The following MRAS variants were observed in gnomAD, a reference collection of about 807,000 sequenced individuals.
The protein encoded by MRAS is ras-related protein M-Ras.
Under a neutral mutation model 20.9 loss-of-function variants are expected in MRAS, and 4 were observed. The observed-to-expected ratio is 0.19, with a 90% confidence interval of 0.09 to 0.44. The LOEUF (loss-of-function observed/expected upper bound fraction) is 0.44. MRAS is among the 20% of genes least tolerant of loss of function. The pLI, the probability that MRAS is intolerant of heterozygous loss-of-function variation, is 0.99. For missense variants in MRAS, 154 were observed against 277.5 expected, an observed-to-expected ratio of 0.56 and a Z score of 3.16; for synonymous variants, 98 against 102.9, an observed-to-expected ratio of 0.95 and a Z score of 0.29.
intron 2 of MRAS, among the ~76,000 whole-genome samples, chr3:138,381,732 TCTC>T (rs2054909364): frequency 6.6e-6 from 1 of 152,176 alleles, no homozygotes; most frequent in Non-Finnish European, 1.5e-5. Flanking sequence ...GCCTGGCTCT[TCTC>T]CTGCACCATC....
chr3:138,374,036 G>A (rs536006212), intron 2 of MRAS, among the ~76,000 whole-genome samples: 9 of 152,130 alleles, frequency 5.9e-5, no homozygotes, highest in Admixed American at 2.6e-4. Context: ...TCAGCTCACC[G>A]CAACCTCCGC....
intron 2 of MRAS, among the ~76,000 whole-genome samples, chr3:138,375,758 G>C (rs1444176934): frequency 6.6e-6 from 1 of 152,110 alleles, no homozygotes; most frequent in Non-Finnish European, 1.5e-5. Flanking sequence ...TGGCTTACAA[G>C]GCCTGTAAAT....
chr3:138,379,840 ACT>A (rs150255954), intron 2 of MRAS, among the ~76,000 whole-genome samples: 4,034 of 152,236 alleles, frequency 0.026, 163 homozygotes, highest in African/African-American at 0.089. Context: ...TTGAGTGTAT[ACT>A]CAGCAGTAGG....
chr3:138,359,925 T>C (rs2054410536), intron 1 of MRAS, among the ~76,000 whole-genome samples: 1 of 152,248 alleles, frequency 6.6e-6, no homozygotes, highest in Admixed American at 6.5e-5. Flanking sequence ...GTGGCCAGTA[T>C]TTAAAATAAT....
At chr3:138,394,404 A>C (rs966469783) in intron 2 of MRAS, among the ~76,000 whole-genome samples, 1 of 152,148 alleles carries the variant, frequency 6.6e-6, no homozygotes, top group Non-Finnish European at 1.5e-5. Flanking sequence ...TGAAGTGCCA[A>C]ATGGCTCTGG....
intron 2 of MRAS, among the ~76,000 whole-genome samples, chr3:138,375,099 C>G (rs901702882): frequency 7.9e-5 from 12 of 152,142 alleles, no homozygotes; most frequent in Non-Finnish European, 1.6e-4. Flanking sequence ...GTCGCCCAGG[C>G]TGGTCTTGAA....
intron 1 of MRAS, among the ~76,000 whole-genome samples, chr3:138,371,355 T>G (rs908188303): frequency 7.9e-5 from 12 of 152,296 alleles, no homozygotes; most frequent in Non-Finnish European, 1.5e-4. Flanking sequence ...TCTGTCAAAA[T>G]CTAGAACTGA....
intron 1 of MRAS, among the ~76,000 whole-genome samples, chr3:138,366,340 C>T (rs568072606): frequency 4.1e-4 from 63 of 152,218 alleles, no homozygotes; most frequent in Non-Finnish European, 8.2e-4. Flanking sequence ...GAATGAAAGT[C>T]CATTCACTTT....
intron 1 of MRAS, among the ~76,000 whole-genome samples, chr3:138,352,008 A>T (rs1361817630): frequency 6.6e-6 from 1 of 152,216 alleles, no homozygotes; most frequent in Non-Finnish European, 1.5e-5. Flanking sequence ...CAGCCAAGTC[A>T]GCATGCCATT....
intron 2 of MRAS, among the ~76,000 whole-genome samples, chr3:138,393,117 G>A (rs1294610021): frequency 6.6e-6 from 1 of 152,146 alleles, no homozygotes; most frequent in Non-Finnish European, 1.5e-5. Context: ...GAGAACTTTA[G>A]TACTTATTTT....
chr3:138,357,246 G>A (rs970786125), intron 1 of MRAS, among the ~76,000 whole-genome samples: 12 of 152,252 alleles, frequency 7.9e-5, no homozygotes, highest in Non-Finnish European at 1.3e-4. Context: ...GGGGCCTCTG[G>A]CAGTGCCTGG....
chr3:138,354,999 C>A (rs886094822), intron 1 of MRAS, among the ~76,000 whole-genome samples: 1 of 152,048 alleles, frequency 6.6e-6, no homozygotes, highest in Non-Finnish European at 1.5e-5. Flanking sequence ...TGTTCAGGCT[C>A]ATCTTGAACT....
intron 2 of MRAS, among the ~76,000 whole-genome samples, chr3:138,383,760 A>G (rs1380673107): frequency 6.6e-6 from 1 of 152,324 alleles, no homozygotes; most frequent in East Asian, 1.9e-4. Flanking sequence ...GCAATTGGCA[A>G]ATCAAAGCCC....
intron 2 of MRAS, among the ~76,000 whole-genome samples, chr3:138,387,549 C>T (rs1373298805): frequency 2.6e-5 from 4 of 152,170 alleles, no homozygotes; most frequent in African/African-American, 9.7e-5. Context: ...CCTTGCCCTG[C>T]CTCTGTCTCT....
intron 5 of MRAS, 73 bp from the exon 6 acceptor site, chr3:138,402,097 T>C: frequency 7.0e-7 from 1 of 1,419,278 alleles, no homozygotes. Context: ...GATCTGGGGC[T>C]AGGGAGGAGA....
Position 138,403,870 on chromosome 3 carries a change from C to CTTTCTTTCT in MRAS, c.*1601_*1602insTTTCTTTCT, listed in dbSNP as rs2055406335. 1.3e-5 allele frequency: 2 copies of CTTTCTTTCT among 152,278 alleles called. No individual in the cohort carries two copies. The highest frequency in any genetic ancestry group is 1.3e-4 in the Admixed American group (2 of 15,286). The allele number at this position is 152,278 out of a possible 1,614,324, so 9.4% of individuals were successfully genotyped here. A position where few individuals can be genotyped will look rare whatever the true frequency, so the allele number is the denominator to read the frequency against. On this transcript the variant is annotated 3_prime_UTR_variant, in exon 6 of 6. Coordinates refer to ENST00000423968, the MANE Select transcript of MRAS (RefSeq NM_001085049.3). ...GAAAGAAACCCAAGGAAAGTGAGCA[C>CTTTCTTTCT]CCAACTGGATGCCAAGACACCCGGG...
In MRAS at chr3:138,383,030, G is replaced by A. The variant is rs560631601; in HGVS notation, c.193+9954G>A. Among the ~76,000 whole-genome samples, 188 of 152,300 alleles carry A rather than the reference G, an allele frequency of 1.2e-3. 1 individual carries two copies. The highest frequency in any genetic ancestry group is 2.4e-3 in the Non-Finnish European group (160 of 68,020). Reference sequence around the variant, plus strand: ...TGACTGGGGCTCCTCCTCCCTTTGGGCTGCCTCTGGACAAAGACCTTGCAC... The same window carrying A: ...TGACTGGGGCTCCTCCTCCCTTTGGACTGCCTCTGGACAAAGACCTTGCAC... On this transcript the variant is annotated intron_variant, in intron 2 of 5. Transcript: ENST00000423968.
chr3:138,364,973 C>T (rs1240438548), intron 1 of MRAS, among the ~76,000 whole-genome samples: 1 of 152,230 alleles, frequency 6.6e-6, no homozygotes, highest in East Asian at 1.9e-4. Context: ...CCTGGCCTGA[C>T]TGTACACACA....
chr3:138,374,920 C>T (rs754913932), intron 2 of MRAS, among the ~76,000 whole-genome samples: 28 of 152,166 alleles, frequency 1.8e-4, no homozygotes, highest in Admixed American at 5.9e-4. Flanking sequence ...CTTGCACTGT[C>T]ACCCAGGCTG....
Sources: allele counts gnomAD v4.1 joint callset (sites outside exome capture counted in the v4.1 genomes callset), GRCh38; gene constraint gnomAD v4.1.1; transcripts MANE v1.5; gene names NCBI Gene and HGNC (gene_info 2026-07-23, HGNC 2026-07-21).